Variants in FREM1 observed in about 807,000 individuals in gnomAD.
FREM1 encodes FRAS1-related extracellular matrix protein 1.
Under a neutral mutation model 210.1 loss-of-function variants are expected in FREM1, and 220 were observed. The observed-to-expected ratio is 1.05, with a 90% CI of 0.94 to 1.17. FREM1 has a LOEUF of 1.17. FREM1 is among the 50% of genes most tolerant of loss of function. FREM1 has a pLI of 0.00. For missense variants in FREM1, 3,454 were observed against 2,675.5 expected (o/e 1.29, Z -6.42); for synonymous variants, 1,189 against 980.2 (o/e 1.21, Z -3.98).
chr9:14,791,042 G>C (rs1022831812), intron 22 of FREM1: 3 of 152,160 alleles, frequency 2.0e-5, no homozygotes, highest in African/African-American at 7.2e-5. Flanking sequence ...CTAGGACTGT[G>C]CCTCCACTAG....
At chr9:14,822,458 G>T (rs1411928894) in intron 13 of FREM1, among the ~76,000 whole-genome samples, 1 of 152,046 alleles carries the variant, frequency 6.6e-6, no homozygotes, top group Non-Finnish European at 1.5e-5. Context: ...TGTAGGCTCT[G>T]GTCCCTTCTG....
Position 14,859,330 on chromosome 9 carries a change from C to A in FREM1, c.484G>T (p.Asp162Tyr), listed in dbSNP as rs573357415. Reference sequence around the variant, plus strand: ...TCCAGGCTAGCCATCCTATCATAATCGAATCTGAGCAGATTTTTATCAATC... The same window carrying A: ...TCCAGGCTAGCCATCCTATCATAATAGAATCTGAGCAGATTTTTATCAATC... ...QAIDKNLLRF[D>Y]YDRMASLECT... Residue 162 changes from aspartate (D) to tyrosine (Y), a missense_variant, in exon 4 of 37, where the codon GAT becomes TAT. Physicochemically the swap from Asp to Tyr is radical, Grantham distance 160 (BLOSUM62 -3). Transcript: ENST00000380880. 14 of 1,613,886 alleles carry A rather than the reference C, an allele frequency of 8.7e-6. No individual in the cohort carries two copies. In the East Asian group the frequency reaches 1.1e-4, roughly 13 times the overall value.
chr9:14,848,524 C>T (rs1014405960), intron 7 of FREM1, 141 bp downstream of exon 7: 7 of 403,504 alleles, frequency 1.7e-5, no homozygotes, highest in Non-Finnish European at 2.7e-5. Context: ...ACAAAAGCTA[C>T]TATGTGATGC....
intron 1 of FREM1, among the ~76,000 whole-genome samples, chr9:14,907,607 G>A (rs1021954107): frequency 2.0e-5 from 3 of 152,144 alleles, no homozygotes; most frequent in Non-Finnish European, 4.4e-5. Context: ...AGGGAGTTAC[G>A]GGATCCCATT....
chr9:14,815,676 C>T (rs1057208527), intron 15 of FREM1, among the ~76,000 whole-genome samples: 2 of 152,160 alleles, frequency 1.3e-5, no homozygotes, highest in African/African-American at 4.8e-5. Flanking sequence ...GAGTCAGAGT[C>T]TCGCTCTGTT....
At chr9:14,868,235 C>G (rs1831909132) in intron 2 of FREM1, among the ~76,000 whole-genome samples, 1 of 152,176 alleles carries the variant, frequency 6.6e-6, no homozygotes, top group Admixed American at 6.5e-5. Context: ...GCCACTCTGA[C>G]TGGCAATGGA....
At chr9:14,770,450 C>T (rs575409252) in intron 26 of FREM1, among the ~76,000 whole-genome samples, 155 bp downstream of exon 26, 1 of 152,254 alleles carries the variant, frequency 6.6e-6, no homozygotes, top group South Asian at 2.1e-4. Flanking sequence ...GCTTCAAACC[C>T]TCTTTAGGAG....
chr9:14,801,954 A>C (rs769240030), intron 19 of FREM1, 80 bp from the exon 20 acceptor site: 10 of 990,020 alleles, frequency 1.0e-5, no homozygotes, highest in Non-Finnish European at 1.5e-5. Context: ...TAAAGAAATC[A>C]CTTGAATATA....
intron 12 of FREM1, 90 bp from the exon 13 acceptor site, chr9:14,823,417 T>C: frequency 5.3e-6 from 6 of 1,136,616 alleles, no homozygotes; most frequent in South Asian, 1.6e-5. Flanking sequence ...TGTTAATTGA[T>C]ATTGAACACT....
chr9:14,895,637 T>C (rs369936631), intron 1 of FREM1, among the ~76,000 whole-genome samples: 10 of 152,052 alleles, frequency 6.6e-5, no homozygotes, highest in Non-Finnish European at 8.8e-5. Flanking sequence ...TTGTGGAATA[T>C]ATTGCTGTTG....
rs142281944 is a variant in FREM1, at chr9:14,853,343, A to G, written c.829-1736T>C. On this transcript the variant is annotated intron_variant, in intron 5 of 36. Transcript: ENST00000380880. ...TCCTGGACCCTGAACTTCAGAGTGC[A>G]CTCTTGAGAGGACAAAAATCCAGTA... is the stretch of plus-strand genomic sequence containing the variant. Among the ~76,000 whole-genome samples the G allele has an allele frequency of 1.4e-3, 218 of 152,280 alleles. 11 individuals carry two copies. In the East Asian group the frequency reaches 0.032, roughly 22 times the overall value.
In FREM1 at chr9:14,868,759, C is replaced by A; in HGVS notation, c.219G>T (p.Gly73=). ...VMNEPITQRV[G]KLTPQVFDCH... ...TAGGACCTACCTGTGGAGTGAGTTT[C>A]CCAACCCTCTGGGTTATTGGCTCAT... Residue 73 remains glycine (G), a synonymous_variant, in exon 2 of 37, where the codon GGG becomes GGT. Transcript: ENST00000380880. 1.2e-6 allele frequency: 2 copies of A among 1,609,612 alleles called. No individual in the cohort carries two copies. The highest frequency in any genetic ancestry group is 1.7e-6 in the Non-Finnish European group (2 of 1,177,260).
intron 15 of FREM1, 72 bp downstream of exon 15, chr9:14,816,706 G>T: frequency 4.3e-6 from 3 of 696,132 alleles, no homozygotes; most frequent in Non-Finnish European, 4.2e-6. Flanking sequence ...AAATTACCCA[G>T]TCTGTAGTAT....
chr9:14,863,669 G>C (rs1019105885), intron 3 of FREM1, 140 bp downstream of exon 3: 143 of 595,914 alleles, frequency 2.4e-4, no homozygotes, highest in African/African-American at 2.4e-3. Flanking sequence ...ATCCACTCAG[G>C]CCTCCAGTTT....
At chr9:14,891,048 G>A (rs999756117) in intron 1 of FREM1, among the ~76,000 whole-genome samples, 1 of 152,178 alleles carries the variant, frequency 6.6e-6, no homozygotes, top group Non-Finnish European at 1.5e-5. Flanking sequence ...CCGTGGGCAT[G>A]TACCAAAACT....
rs1289151027 is a variant in FREM1 at position 14,861,007 on chromosome 9, A to T, written c.330-1523T>A. On this transcript the variant is annotated intron_variant, in intron 3 of 36. Coordinates refer to ENST00000380880, the MANE Select transcript of FREM1 (RefSeq NM_001379081.2). ...CACATATATACATATATATACACAT[A>T]TATACATATATACACATATATACAT... 2.5e-5 allele frequency among the ~76,000 whole-genome samples: 3 copies of T among 117,814 alleles called. No homozygotes were observed. The South Asian group carries it at 7.4e-4, about 29-fold the overall frequency. The allele number at this position is 117,814 out of a possible 152,430, so 77.3% of individuals were successfully genotyped here.
At chr9:14,889,711 A>C in intron 1 of FREM1, among the ~76,000 whole-genome samples, 1 of 152,210 alleles carries the variant, frequency 6.6e-6, no homozygotes, top group East Asian at 1.9e-4. Flanking sequence ...TACTGTCATG[A>C]GTAGAGGGAA....
chr9:14,758,152 C>T (rs894915225), intron 28 of FREM1, among the ~76,000 whole-genome samples: 6 of 152,192 alleles, frequency 3.9e-5, no homozygotes, highest in African/African-American at 1.4e-4. Context: ...GTCAAGCAGC[C>T]AAGCTCTAGT....
intron 6 of FREM1, among the ~76,000 whole-genome samples, chr9:14,849,247 C>T (rs1299296219): frequency 6.6e-6 from 1 of 152,112 alleles, no homozygotes; most frequent in Non-Finnish European, 1.5e-5. Context: ...ATACTAACAT[C>T]CTACCGTACA....
Sources: gnomAD v4.1 joint callset for allele counts (sites outside exome capture counted in the v4.1 genomes callset) on GRCh38, gnomAD v4.1.1 for gene constraint, MANE v1.5 for transcripts, NCBI Gene and HGNC (gene_info 2026-07-23, HGNC 2026-07-21) for gene names.